The following CACNA2D1 variants were observed in gnomAD, a reference collection of about 807,000 sequenced individuals.
The protein encoded by CACNA2D1 is calcium voltage-gated channel auxiliary subunit alpha2delta 1, also known as voltage-dependent calcium channel subunit alpha-2/delta-1.
In CACNA2D1, 53 loss-of-function variants were observed where a neutral mutation model predicts 171.5. That is an observed-to-expected ratio of 0.31 (90% CI 0.25 to 0.39). The LOEUF (loss-of-function observed/expected upper bound fraction) is 0.39, where lower values mean the gene tolerates loss of function less well. Ranked by LOEUF, CACNA2D1 falls within the 10% of genes least tolerant of loss-of-function variation. The probability of loss-of-function intolerance (pLI) is 1.00; values close to 1 mark genes in which losing one functional copy is unlikely to be tolerated. For missense variants in CACNA2D1, 903 were observed against 1,299.8 expected (o/e 0.69, Z 4.69); for synonymous variants, 442 against 443.1 (o/e 1.00, Z 0.03).
chr7:82,431,195 C>T (rs138358538), intron 1 of CACNA2D1, among the ~76,000 whole-genome samples: 1 of 152,158 alleles, frequency 6.6e-6, no homozygotes, highest in African/African-American at 2.4e-5. Flanking sequence ...TTAAGACCTG[C>T]TAAGCATCCC....
chr7:82,068,609 A>G (rs1457529916), intron 7 of CACNA2D1, among the ~76,000 whole-genome samples: 1 of 145,856 alleles, frequency 6.9e-6, no homozygotes, highest in African/African-American at 2.8e-5. Flanking sequence ...TTCCTTGTTC[A>G]AAATGCTGTA....
At chr7:82,324,063 G>C (rs543346044) in intron 3 of CACNA2D1, among the ~76,000 whole-genome samples, 2 of 152,232 alleles carry the variant, frequency 1.3e-5, no homozygotes, top group African/African-American at 4.8e-5. Context: ...ATTTAAAACA[G>C]AAAGTGTGGT....
chr7:82,081,560 G>C (rs570839729), intron 7 of CACNA2D1, among the ~76,000 whole-genome samples: 2 of 152,252 alleles, frequency 1.3e-5, no homozygotes, highest in East Asian at 1.9e-4. Context: ...AATGAATTCA[G>C]CCTGTTATTT....
chr7:82,045,686 T>C (rs1804473730), intron 10 of CACNA2D1, among the ~76,000 whole-genome samples: 1 of 152,208 alleles, frequency 6.6e-6, no homozygotes, highest in South Asian at 2.1e-4. Flanking sequence ...AGCTTGCTTT[T>C]TAATATGAAT....
At chr7:81,984,844 A>G (rs932722642) in intron 21 of CACNA2D1, 133 bp from the exon 22 acceptor site, 4 of 665,416 alleles carry the variant, frequency 6.0e-6, no homozygotes, top group Admixed American at 2.2e-5. Flanking sequence ...TTACTTTGAC[A>G]AGAAAATGCA....
At chr7:82,134,118 T>C (rs1791336285) in intron 5 of CACNA2D1, among the ~76,000 whole-genome samples, 1 of 151,858 alleles carries the variant, frequency 6.6e-6, no homozygotes, top group Admixed American at 6.6e-5. Context: ...TATATGTTCA[T>C]GAGAAAATAT....
At chr7:82,045,929 A>G (rs997708319) in intron 10 of CACNA2D1, among the ~76,000 whole-genome samples, 1 of 152,132 alleles carries the variant, frequency 6.6e-6, no homozygotes, top group African/African-American at 2.4e-5. Flanking sequence ...CTTTTCTCTA[A>G]GGTCTTTAAT....
intron 10 of CACNA2D1, among the ~76,000 whole-genome samples, chr7:82,045,544 G>T (rs903977269): frequency 2.0e-5 from 3 of 152,060 alleles, no homozygotes; most frequent in Non-Finnish European, 4.4e-5. Context: ...ACAAAATTAG[G>T]CAATTTGTTT....
intron 10 of CACNA2D1, among the ~76,000 whole-genome samples, chr7:82,041,651 G>A (rs1186569505): frequency 2.0e-5 from 3 of 152,108 alleles, no homozygotes; most frequent in African/African-American, 7.2e-5. Flanking sequence ...TTCAAATATT[G>A]AAAACTGAGT....
intron 1 of CACNA2D1, among the ~76,000 whole-genome samples, chr7:82,379,603 T>C (rs186297855): frequency 2.2e-3 from 337 of 152,286 alleles, no homozygotes; most frequent in African/African-American, 7.4e-3. Context: ...CATTCAAAGA[T>C]TACTGACTAC....
intron 3 of CACNA2D1, among the ~76,000 whole-genome samples, chr7:82,178,190 G>A (rs990955476): frequency 6.6e-6 from 1 of 152,012 alleles, no homozygotes; most frequent in Non-Finnish European, 1.5e-5. Context: ...TCTGGAGTGT[G>A]TCCTATAGAT....
chr7:82,197,143 A>G (rs974892848), intron 3 of CACNA2D1, among the ~76,000 whole-genome samples: 1 of 152,028 alleles, frequency 6.6e-6, no homozygotes, highest in Non-Finnish European at 1.5e-5. Context: ...ACATCGTTGG[A>G]TATGAAAATT....
chr7:82,236,453 C>T lies in CACNA2D1; in HGVS notation c.295-65844G>A, dbSNP rs552783161. On this transcript the variant is annotated intron_variant, in intron 3 of 38. Transcript: ENST00000356860. Reference sequence around the variant, plus strand: ...TAACTAATGCACAACAACATCTCTCCTACACGTTTTTCAAAAGACCTTCAA... The same window carrying T: ...TAACTAATGCACAACAACATCTCTCTTACACGTTTTTCAAAAGACCTTCAA... Among the ~76,000 whole-genome samples, 4 of 152,184 alleles carry T rather than the reference C, an allele frequency of 2.6e-5. No homozygotes were observed. In the South Asian group the frequency reaches 6.2e-4, roughly 24 times the overall value.
chr7:82,196,115 A>G (rs1253067609), intron 3 of CACNA2D1, among the ~76,000 whole-genome samples: 2 of 152,062 alleles, frequency 1.3e-5, no homozygotes, highest in Admixed American at 1.3e-4. Context: ...ACAGCCAACC[A>G]ACTATCCTCT....
intron 3 of CACNA2D1, among the ~76,000 whole-genome samples, chr7:82,191,359 T>TA (rs779622735): frequency 1.3e-5 from 2 of 151,802 alleles, no homozygotes; most frequent in East Asian, 3.9e-4. Flanking sequence ...GCGATTAGTT[T>TA]AAAAGATTTT....
At chr7:82,414,220 T>C (rs886253094) in intron 1 of CACNA2D1, among the ~76,000 whole-genome samples, 1 of 152,202 alleles carries the variant, frequency 6.6e-6, no homozygotes, top group African/African-American at 2.4e-5. Context: ...TAGCCTGATA[T>C]CACATGTAAA....
chr7:82,183,776 A>G (rs1797382543), intron 3 of CACNA2D1, among the ~76,000 whole-genome samples: 1 of 151,912 alleles, frequency 6.6e-6, no homozygotes, highest in Non-Finnish European at 1.5e-5. Flanking sequence ...ATAGGTATGT[A>G]TGACTGTGGT....
intron 1 of CACNA2D1, among the ~76,000 whole-genome samples, chr7:82,423,722 A>G (rs1828924734): frequency 6.6e-6 from 1 of 152,162 alleles, no homozygotes; most frequent in Non-Finnish European, 1.5e-5. Context: ...AAATCATTTA[A>G]TGTGAAAATC....
intron 19 of CACNA2D1, among the ~76,000 whole-genome samples, chr7:81,996,370 A>G (rs975073133): frequency 6.6e-6 from 1 of 151,976 alleles, no homozygotes; most frequent in Non-Finnish European, 1.5e-5. Flanking sequence ...AAATCATTAA[A>G]TTCTATTGTT....
Sources: gnomAD v4.1 joint callset for allele counts (sites outside exome capture counted in the v4.1 genomes callset) on GRCh38, gnomAD v4.1.1 for gene constraint, MANE v1.5 for transcripts, NCBI Gene and HGNC (gene_info 2026-07-23, HGNC 2026-07-21) for gene names.